The following SCML4 variants were observed in gnomAD, a reference collection of about 807,000 sequenced individuals.
SCML4 encodes the protein Scm polycomb group protein like 4, also known as sex comb on midleg-like protein 4.
Under a neutral mutation model 41.1 loss-of-function variants are expected in SCML4, and 34 were observed. The ratio of observed to expected loss-of-function variants is 0.83; its 90% CI spans 0.63 to 1.10. SCML4 has a LOEUF of 1.10. SCML4 is among the 50% of genes least tolerant of loss of function. SCML4 has a pLI of 0.00. For synonymous variants in SCML4, 214 were observed against 220.9 expected (o/e 0.97, Z 0.28); for missense variants, 522 against 534.1 (o/e 0.98, Z 0.22).
intron 7 of SCML4, among the ~76,000 whole-genome samples, chr6:107,706,194 T>C (rs183234987): frequency 2.0e-5 from 3 of 152,282 alleles, no homozygotes; most frequent in Non-Finnish European, 2.9e-5. Flanking sequence ...CTCCATGTCT[T>C]TGGCAAAATG....
intron 5 of SCML4, among the ~76,000 whole-genome samples, chr6:107,726,532 C>T (rs1478618680): frequency 1.4e-5 from 1 of 72,394 alleles, no homozygotes; most frequent in African/African-American, 6.3e-5. Context: ...GACTCCATCT[C>T]AAAAAAAAAA....
At chr6:107,800,693 G>C (rs1283095589) in intron 1 of SCML4, among the ~76,000 whole-genome samples, 1 of 152,140 alleles carries the variant, frequency 6.6e-6, no homozygotes, top group Non-Finnish European at 1.5e-5. Context: ...CCCCCTCTCT[G>C]TTATACTGGG....
intron 5 of SCML4, chr6:107,740,048 G>A (rs376143755): frequency 6.6e-6 from 3 of 456,258 alleles, no homozygotes; most frequent in Non-Finnish European, 9.0e-6. Flanking sequence ...CTAGGAAAGG[G>A]CTCAAGAGAA....
intron 5 of SCML4, among the ~76,000 whole-genome samples, chr6:107,736,415 A>C (rs1339002775): frequency 6.6e-6 from 1 of 152,160 alleles, no homozygotes; most frequent in Non-Finnish European, 1.5e-5. Flanking sequence ...ACAGCAGAAA[A>C]ACTTGGAATA....
At chr6:107,749,865 C>G (rs1332203332) in intron 2 of SCML4, 52 bp from the exon 3 acceptor site, 3 of 1,596,202 alleles carry the variant, frequency 1.9e-6, no homozygotes, top group African/African-American at 2.7e-5. Context: ...TCTCTCTACA[C>G]TCTTCCAGAT....
At chr6:107,742,504 C>T (rs1256684480) in intron 5 of SCML4, among the ~76,000 whole-genome samples, 1 of 152,144 alleles carries the variant, frequency 6.6e-6, no homozygotes, top group Non-Finnish European at 1.5e-5. Context: ...AATCATCAAA[C>T]TCTCAAAGTC....
At chr6:107,830,102 C>T in the SCML4 span, among the ~76,000 whole-genome samples, 1 of 152,162 alleles carries the variant, frequency 6.6e-6, no homozygotes, top group African/African-American at 2.4e-5. Context: ...TATCCTTCCC[C>T]ACCCAAGGGC....
intron 2 of SCML4, among the ~76,000 whole-genome samples, chr6:107,768,097 C>CA (rs766357180): frequency 0.027 from 1,214 of 45,562 alleles, 21 homozygotes; most frequent in Admixed American, 0.11. Context: ...TTCATCTGTA[C>CA]AAAAAAAAAA....
chr6:107,709,625 T>A (rs1452273228), intron 6 of SCML4, among the ~76,000 whole-genome samples: 1 of 152,248 alleles, frequency 6.6e-6, no homozygotes, highest in Admixed American at 6.5e-5. Flanking sequence ...CCCACTCATG[T>A]TCCACCTGAT....
At chr6:107,767,717 A>G (rs1189292730) in intron 2 of SCML4, among the ~76,000 whole-genome samples, 1 of 152,152 alleles carries the variant, frequency 6.6e-6, no homozygotes. Flanking sequence ...GACTTCCTAA[A>G]TTTTAGCTGA....
At chr6:107,838,522 A>T in the SCML4 span, among the ~76,000 whole-genome samples, 1 of 152,224 alleles carries the variant, frequency 6.6e-6, no homozygotes, top group African/African-American at 2.4e-5. Context: ...ATGGACAAAT[A>T]AATCTAAATC....
chr6:107,788,735 G>A (rs1470879229), intron 1 of SCML4, among the ~76,000 whole-genome samples: 2 of 152,024 alleles, frequency 1.3e-5, no homozygotes, highest in African/African-American at 4.8e-5. Context: ...GGGTACTGGT[G>A]GTGCCTGACA....
intron 1 of SCML4, among the ~76,000 whole-genome samples, chr6:107,788,208 A>G (rs1190412168): frequency 1.3e-5 from 2 of 152,190 alleles, no homozygotes; most frequent in East Asian, 1.9e-4. Flanking sequence ...TTCTGCAAGG[A>G]CCAGGAAAGC....
At chr6:107,812,085 G>A (rs1342976941) in intron 1 of SCML4, among the ~76,000 whole-genome samples, 2 of 152,184 alleles carry the variant, frequency 1.3e-5, no homozygotes, top group African/African-American at 2.4e-5. Context: ...CAGATCTATG[G>A]GCAGCCGAGG....
At chr6:107,745,167 C>A in intron 4 of SCML4, 24 bp from the exon 5 acceptor site, 1 of 1,524,024 alleles carries the variant, frequency 6.6e-7, no homozygotes, top group Admixed American at 2.1e-5. Flanking sequence ...GAGATGTCAG[C>A]TTAGAGCCGG....
intron 1 of SCML4, among the ~76,000 whole-genome samples, chr6:107,789,291 G>A (rs554348000): frequency 2.6e-5 from 4 of 152,314 alleles, no homozygotes; most frequent in African/African-American, 2.4e-5. Context: ...GCACAGGGAC[G>A]TGAAGATGAA....
chr6:107,776,327 T>C (rs1462025982), intron 1 of SCML4, among the ~76,000 whole-genome samples: 1 of 152,180 alleles, frequency 6.6e-6, no homozygotes, highest in Admixed American at 6.5e-5. Flanking sequence ...GTTTTTACCA[T>C]TGAAACTAAT....
chr6:107,819,301 G>A (rs1784779363), intron 1 of SCML4, among the ~76,000 whole-genome samples: 1 of 152,216 alleles, frequency 6.6e-6, no homozygotes, highest in South Asian at 2.1e-4. Context: ...CAGGCCATAT[G>A]TTTCTGTTTT....
intron 2 of SCML4, chr6:107,755,636 G>A (rs768684029): frequency 1.5e-6 from 2 of 1,333,860 alleles, no homozygotes; most frequent in South Asian, 1.2e-5. Context: ...CTCTGGCAGG[G>A]CATTTGTCTT....
Sources: allele counts gnomAD v4.1 joint callset (sites outside exome capture counted in the v4.1 genomes callset), GRCh38; gene constraint gnomAD v4.1.1; transcripts MANE v1.5; gene names NCBI Gene and HGNC (gene_info 2026-07-23, HGNC 2026-07-21).